The following TEX9 variants were observed in gnomAD, a reference collection of about 807,000 sequenced individuals.
The protein encoded by TEX9 is testis-expressed protein 9.
In TEX9, 74 loss-of-function variants were observed where a neutral mutation model predicts 59.6. That is an observed-to-expected ratio of 1.24 (90% CI 1.03 to 1.51). The LOEUF is 1.51. TEX9 is among the 40% of genes most tolerant of loss of function. The pLI is 0.00. For synonymous variants in TEX9, 186 were observed against 152.2 expected (o/e 1.22, Z -1.64); for missense variants, 522 against 447.8 (o/e 1.17, Z -1.49).
At chr15:56,309,289 C>T (rs1385745254) in intron 1 of TEX9, among the ~76,000 whole-genome samples, 1 of 151,942 alleles carries the variant, frequency 6.6e-6, no homozygotes, top group Non-Finnish European at 1.5e-5. Context: ...GGAATTTGTC[C>T]ATTTTTTCTG....
At chr15:56,387,182 T>C (rs545143294) in intron 4 of TEX9, among the ~76,000 whole-genome samples, 10 of 152,090 alleles carry the variant, frequency 6.6e-5, no homozygotes, top group Admixed American at 3.9e-4. Context: ...AGCTTACTTT[T>C]CATGAAAATA....
At chr15:56,334,152 A>G (rs945245513) in intron 1 of TEX9, among the ~76,000 whole-genome samples, 16 of 152,254 alleles carry the variant, frequency 1.1e-4, no homozygotes, top group Middle Eastern at 3.4e-3. Flanking sequence ...CACAGAAACA[A>G]AAAAAATCCT....
chr15:56,381,865 C>T lies in TEX9; in HGVS notation c.184-2087C>T, dbSNP rs143854206. 3.8e-4 allele frequency among the ~76,000 whole-genome samples: 58 copies of T among 152,318 alleles called. 1 individual carries two copies. The highest frequency in any genetic ancestry group is 1.3e-3 in the African/African-American group (52 of 41,588). On this transcript the variant is annotated intron_variant, in intron 3 of 12. Transcript: ENST00000352903. The stretch of plus-strand genomic sequence containing the variant: ...TGCTATAAACACTACCTGGCTACCA[C>T]CTATGTTCACTCAAGGCCCTAGAGC...
chr15:56,429,518 C>A (rs73415819), intron 12 of TEX9: 100 of 178,618 alleles, frequency 5.6e-4, no homozygotes, highest in African/African-American at 2.3e-3. Context: ...CTACCCTTTT[C>A]TTTAAATAGC....
chr15:56,373,806 G>C (rs1392435801), intron 3 of TEX9, among the ~76,000 whole-genome samples: 3 of 152,164 alleles, frequency 2.0e-5, no homozygotes, highest in African/African-American at 7.2e-5. Context: ...ACTCTCCTTA[G>C]AGGAGTAGTC....
intron 9 of TEX9, among the ~76,000 whole-genome samples, chr15:56,401,260 A>G (rs1040011222): frequency 1.2e-4 from 18 of 145,568 alleles, no homozygotes; most frequent in East Asian, 1.0e-3. Context: ...AGACACACAC[A>G]GGCTCAAAAT....
exon 7 of TEX9, chr15:56,391,409 A>G (rs1407557463): frequency 2.0e-6 from 3 of 1,524,946 alleles, no homozygotes; most frequent in Admixed American, 2.2e-5. Flanking sequence ...TAGTAATGAC[A>G]TTGGAACAGG....
At chr15:56,299,204 A>T (rs1383113851) in intron 1 of TEX9, among the ~76,000 whole-genome samples, 1 of 152,214 alleles carries the variant, frequency 6.6e-6, no homozygotes, top group African/African-American at 2.4e-5. Context: ...GTGCCACAGA[A>T]ATAGAATCTG....
intron 1 of TEX9, among the ~76,000 whole-genome samples, chr15:56,246,060 A>G (rs570038750): frequency 6.6e-6 from 1 of 152,270 alleles, no homozygotes; most frequent in Admixed American, 6.5e-5. Flanking sequence ...GCCTTAAGAA[A>G]AGGAAGCCGA....
chr15:56,371,335 A>G (rs1313083365), intron 2 of TEX9, among the ~76,000 whole-genome samples: 1 of 152,014 alleles, frequency 6.6e-6, no homozygotes, highest in Non-Finnish European at 1.5e-5. Context: ...ATATCTGTCA[A>G]ATTTCCTTGA....
At chr15:56,336,124 G>T (rs1263747056) in intron 1 of TEX9, among the ~76,000 whole-genome samples, 3 of 152,106 alleles carry the variant, frequency 2.0e-5, no homozygotes, top group African/African-American at 7.2e-5. Context: ...CTTGTTATTT[G>T]TTAGTTTGTA....
chr15:56,444,780 A>G lies in TEX9; in HGVS notation c.*30-891A>G, dbSNP rs2050879557. On this transcript the variant is annotated intron_variant, in intron 12 of 12. Transcript: ENST00000352903. ...TATTATAAAGTCTTTTACATAAAAT[A>G]AATTTTTTCATCTGTCTAGGTTAAA... 8.9e-6 allele frequency: 9 copies of G among 1,014,718 alleles called. No individual in the cohort carries two copies. The South Asian group carries it at 1.5e-4, about 17-fold the overall frequency. The allele number at this position is 1,014,718 out of a possible 1,614,324, so 62.9% of individuals were successfully genotyped here.
At chr15:56,450,377 C>A (rs1018383920), downstream of TEX9, among the ~76,000 whole-genome samples, 36 of 152,094 alleles carry the variant, frequency 2.4e-4, no homozygotes, top group African/African-American at 8.2e-4. Context: ...TTTTCATTCC[C>A]CCCAAAGAGA....
At chr15:56,325,855 C>T (rs1364435147) in intron 1 of TEX9, among the ~76,000 whole-genome samples, 1 of 152,136 alleles carries the variant, frequency 6.6e-6, no homozygotes, top group Non-Finnish European at 1.5e-5. Flanking sequence ...TATCCAGAAT[C>T]TTAAGTCTCT....
At chr15:56,262,060 C>T (rs1232231595) in intron 1 of TEX9, among the ~76,000 whole-genome samples, 1 of 152,174 alleles carries the variant, frequency 6.6e-6, no homozygotes. Context: ...CTGGGTGTGG[C>T]TGGCCACTGT....
At chr15:56,341,734 C>G (rs543967750) in intron 1 of TEX9, among the ~76,000 whole-genome samples, 1 of 151,676 alleles carries the variant, frequency 6.6e-6, no homozygotes, top group East Asian at 1.9e-4. Context: ...AAAGTTGAAC[C>G]CATGAAAGGT....
At chr15:56,455,140 G>A in the TEX9 span, among the ~76,000 whole-genome samples, 1 of 150,364 alleles carries the variant, frequency 6.7e-6, no homozygotes, top group East Asian at 2.0e-4. Context: ...TTCTCAGGAG[G>A]AACATTTATC....
At chr15:56,418,280 C>A (rs1300814173) in intron 10 of TEX9, among the ~76,000 whole-genome samples, 1 of 151,790 alleles carries the variant, frequency 6.6e-6, no homozygotes, top group African/African-American at 2.4e-5. Context: ...TGACATTGAT[C>A]TGTGTGGTTA....
chr15:56,315,939 G>A (rs1273319699), intron 1 of TEX9, among the ~76,000 whole-genome samples: 5 of 151,408 alleles, frequency 3.3e-5, no homozygotes, highest in African/African-American at 7.3e-5. Flanking sequence ...CCAGTTGATC[G>A]CGTCGGCTCC....
Sources: allele counts gnomAD v4.1 joint callset (sites outside exome capture counted in the v4.1 genomes callset), GRCh38; gene constraint gnomAD v4.1.1; transcripts MANE v1.5; gene names NCBI Gene and HGNC (gene_info 2026-07-23, HGNC 2026-07-21).